The following FSTL5 variants were observed in gnomAD, a reference collection of about 807,000 sequenced individuals.
FSTL5 encodes the protein follistatin-related protein 5.
Under a neutral mutation model 89.1 loss-of-function variants are expected in FSTL5, and 62 were observed. That is an observed-to-expected ratio of 0.70 (90% confidence interval 0.57 to 0.86). FSTL5 has a LOEUF of 0.86. Among genes scored for constraint, FSTL5 ranks in the 40% least tolerant of loss-of-function variants. The pLI is 0.00. For missense variants in FSTL5, 1,057 were observed against 1,001.6 expected (o/e 1.06, Z -0.75); for synonymous variants, 383 against 346.2 (o/e 1.11, Z -1.18).
At chr4:161,409,167 G>T (rs746275755) in intron 15 of FSTL5, among the ~76,000 whole-genome samples, 2 of 152,050 alleles carry the variant, frequency 1.3e-5, no homozygotes, top group Non-Finnish European at 2.9e-5. Flanking sequence ...TAGAGAGAAA[G>T]GCTAGGAGAC....
intron 1 of FSTL5, among the ~76,000 whole-genome samples, chr4:162,112,536 G>A (rs553886998): frequency 5.9e-5 from 9 of 152,276 alleles, no homozygotes; most frequent in African/African-American, 1.9e-4. Context: ...ATGAGCCACT[G>A]AGTCTGGTTC....
intron 4 of FSTL5, among the ~76,000 whole-genome samples, chr4:161,834,667 C>G (rs1427735637): frequency 6.6e-6 from 1 of 151,946 alleles, no homozygotes; most frequent in East Asian, 1.9e-4. Context: ...AACAGACAAA[C>G]AGAGAGCCAA....
At chr4:162,124,386 C>G (rs762530727) in intron 1 of FSTL5, among the ~76,000 whole-genome samples, 63 of 152,220 alleles carry the variant, frequency 4.1e-4, no homozygotes, top group African/African-American at 1.5e-3. Flanking sequence ...GCCTGACCAC[C>G]AGTAATTTTT....
intron 6 of FSTL5, among the ~76,000 whole-genome samples, chr4:161,694,842 C>CTTTTTTTTTTTTTTT (rs34276732): frequency 9.4e-6 from 1 of 106,200 alleles, no homozygotes; most frequent in Non-Finnish European, 1.8e-5. Context: ...TTCTAAATGC[C>CTTTTTTTTTTTTTTT]TTTTTTTTTT....
chr4:161,855,470 TTTA>T (rs1357742877), intron 4 of FSTL5, among the ~76,000 whole-genome samples: 4 of 152,102 alleles, frequency 2.6e-5, no homozygotes, highest in East Asian at 1.9e-4. Flanking sequence ...TGTTATAGAA[TTTA>T]TTATTAAATT....
At chr4:162,106,906 C>T (rs1731246957) in intron 2 of FSTL5, among the ~76,000 whole-genome samples, 1 of 152,180 alleles carries the variant, frequency 6.6e-6, no homozygotes, top group Admixed American at 6.5e-5. Flanking sequence ...GTAGCCCCCA[C>T]CTTGAACAGA....
chr4:161,766,057 T>G (rs1481248756), intron 5 of FSTL5, among the ~76,000 whole-genome samples: 4 of 152,130 alleles, frequency 2.6e-5, no homozygotes, highest in Admixed American at 2.0e-4. Flanking sequence ...CCTCCCAAAG[T>G]TGATGAGATT....
intron 4 of FSTL5, among the ~76,000 whole-genome samples, chr4:161,866,026 G>A (rs1050866108): frequency 2.0e-5 from 3 of 152,186 alleles, no homozygotes; most frequent in African/African-American, 7.2e-5. Context: ...AGTATTCTAA[G>A]TGCTTCCAGA....
At chr4:161,610,779 TA>T (rs886172733) in intron 7 of FSTL5, among the ~76,000 whole-genome samples, 8 of 81,542 alleles carry the variant, frequency 9.8e-5, no homozygotes, top group Admixed American at 9.7e-4. Context: ...ATTTCCTCTA[TA>T]ATTTTTTTTT....
chr4:161,574,334 TTTTTTTTTTC>T (rs1374445369), intron 8 of FSTL5, among the ~76,000 whole-genome samples: 20 of 147,176 alleles, frequency 1.4e-4, no homozygotes, highest in South Asian at 4.4e-4. Context: ...TTCCTTTTTC[TTTTTTTTTTC>T]TTTTTTTTTT....
chr4:161,588,811 A>G (rs552977488), intron 7 of FSTL5, among the ~76,000 whole-genome samples: 1 of 152,222 alleles, frequency 6.6e-6, no homozygotes, highest in East Asian at 1.9e-4. Context: ...TATGAAAATC[A>G]TCATTCTAGA....
chr4:161,774,130 C>T (rs1034754064), intron 5 of FSTL5, among the ~76,000 whole-genome samples: 17 of 152,006 alleles, frequency 1.1e-4, no homozygotes, highest in African/African-American at 2.7e-4. Context: ...GGCATGGTGG[C>T]GGGTGCCTGT....
intron 6 of FSTL5, among the ~76,000 whole-genome samples, chr4:161,667,355 A>G (rs1387089126): frequency 6.6e-6 from 1 of 152,090 alleles, no homozygotes; most frequent in Non-Finnish European, 1.5e-5. Flanking sequence ...CCTAACAAAA[A>G]CTGTACTAAC....
intron 3 of FSTL5, among the ~76,000 whole-genome samples, chr4:161,958,657 C>A (rs1735090820): frequency 6.6e-6 from 1 of 152,126 alleles, no homozygotes; most frequent in Admixed American, 6.6e-5. Flanking sequence ...CTGGAAAAAG[C>A]ATTCCTAACC....
intron 3 of FSTL5, among the ~76,000 whole-genome samples, chr4:161,947,923 G>A (rs1455926777): frequency 7.0e-6 from 1 of 143,682 alleles, no homozygotes; most frequent in Non-Finnish European, 1.5e-5. Context: ...CTTATATTTA[G>A]GTATTTGATG....
intron 4 of FSTL5, among the ~76,000 whole-genome samples, chr4:161,890,863 C>A (rs1385580549): frequency 6.6e-6 from 1 of 151,884 alleles, no homozygotes. Flanking sequence ...CTTCTGTGTC[C>A]ATTTATCTCT....
intron 7 of FSTL5, among the ~76,000 whole-genome samples, chr4:161,632,210 C>G (rs1287054934): frequency 6.6e-6 from 1 of 152,006 alleles, no homozygotes; most frequent in African/African-American, 2.4e-5. Flanking sequence ...GAAACCCCAT[C>G]TCTACTAAAA....
At chr4:162,037,729 G>A (rs755759775) in intron 2 of FSTL5, among the ~76,000 whole-genome samples, 11 of 151,824 alleles carry the variant, frequency 7.2e-5, no homozygotes, top group Admixed American at 2.0e-4. Flanking sequence ...TAGTGGACTG[G>A]AAAGAATGAC....
rs2126794931 is a variant in FSTL5, at chr4:161,765,932, T to C, written c.607-6401A>G. On this transcript the variant is annotated intron_variant, in intron 5 of 15. Transcript: ENST00000306100. ...GCCTCAGCCTCCCCAGTCGCTGGGATTACAGGTGCTCGCCACCATGCCCGG... is the reference window on the plus strand; with the variant it reads ...GCCTCAGCCTCCCCAGTCGCTGGGACTACAGGTGCTCGCCACCATGCCCGG... Among the ~76,000 whole-genome samples the C allele has an allele frequency of 1.3e-5, 2 of 151,952 alleles. 1 individual carries two copies. The highest frequency in any genetic ancestry group is 4.2e-4 in the South Asian group (2 of 4,800).
Sources: allele counts gnomAD v4.1 joint callset (sites outside exome capture counted in the v4.1 genomes callset), GRCh38; gene constraint gnomAD v4.1.1; transcripts MANE v1.5; gene names NCBI Gene and HGNC (gene_info 2026-07-23, HGNC 2026-07-21).